The following CTNNAL1 variants were observed in gnomAD, a reference collection of about 807,000 sequenced individuals.
CTNNAL1 encodes the protein catenin alpha like 1, also known as alpha-catulin.
CTNNAL1 carries 69 observed loss-of-function variants against 93.6 expected under a neutral mutation model. The observed-to-expected ratio is 0.74, with a 90% CI of 0.61 to 0.90. The LOEUF (loss-of-function observed/expected upper bound fraction) is 0.90. Among genes scored for constraint, CTNNAL1 ranks in the 40% least tolerant of loss-of-function variants. The pLI is 0.00. For synonymous variants in CTNNAL1, 286 were observed against 305.4 expected, an observed-to-expected ratio of 0.94 and a Z score of 0.66; for missense variants, 836 against 862.0, an observed-to-expected ratio of 0.97 and a Z score of 0.38.
intron 1 of CTNNAL1, among the ~76,000 whole-genome samples, chr9:109,009,842 C>T (rs1018849841): frequency 6.6e-6 from 1 of 152,148 alleles, no homozygotes; most frequent in African/African-American, 2.4e-5. Flanking sequence ...TTATTTAGAT[C>T]CATGTTGGCT....
At chr9:108,949,071 T>A (rs1830483716) in intron 14 of CTNNAL1, among the ~76,000 whole-genome samples, 1 of 152,174 alleles carries the variant, frequency 6.6e-6, no homozygotes, top group Non-Finnish European at 1.5e-5. Context: ...TTAAGAAATA[T>A]GAATGATTAC....
intron 1 of CTNNAL1, among the ~76,000 whole-genome samples, chr9:109,002,649 C>T (rs1023535558): frequency 2.6e-5 from 4 of 152,018 alleles, no homozygotes; most frequent in Admixed American, 6.6e-5. Context: ...AAAAGAAACA[C>T]GGATAAATAA....
intron 2 of CTNNAL1, 150 bp from the exon 3 acceptor site, chr9:108,992,969 T>C (rs1220162330): frequency 5.8e-6 from 5 of 867,716 alleles, no homozygotes; most frequent in South Asian, 2.0e-5. Flanking sequence ...TTGACGATTG[T>C]AGGGATTATC....
chr9:108,983,273 T>G lies in CTNNAL1; in HGVS notation c.772A>C (p.Lys258Gln). Residue 258 changes from lysine (K) to glutamine (Q), a missense_variant, in exon 6 of 19, where the codon AAA becomes CAA. Physicochemically the swap from Lys to Gln is moderately conservative, Grantham distance 53. Transcript: ENST00000325551. ...TTCATACGGTCAAATACTCCTTCTTTGTTTTTATGGGCTGATTCGCAGTTA... is the reference window on the plus strand; with the variant it reads ...TTCATACGGTCAAATACTCCTTCTTGGTTTTTATGGGCTGATTCGCAGTTA... Reference protein sequence around the residue: ...HPNCESAHKNKEGVFDRMKVA... With the variant: ...HPNCESAHKNQEGVFDRMKVA... 1 of 1,578,682 alleles carries G rather than the reference T, an allele frequency of 6.3e-7. No individual in the cohort carries two copies. Among genetic ancestry groups the G allele is most frequent in the Admixed American group, 1.8e-5 (1 of 55,660 alleles).
At chr9:108,969,372 A>G (rs1831045348) in intron 10 of CTNNAL1, among the ~76,000 whole-genome samples, 1 of 152,194 alleles carries the variant, frequency 6.6e-6, no homozygotes, top group Admixed American at 6.5e-5. Flanking sequence ...AGGCTTTTGA[A>G]AATTATAAGG....
chr9:108,962,286 G>A (rs1210864117), intron 11 of CTNNAL1, among the ~76,000 whole-genome samples: 2 of 152,098 alleles, frequency 1.3e-5, no homozygotes, highest in East Asian at 3.8e-4. Flanking sequence ...TATTTTTATG[G>A]TTATAATAGT....
At chr9:108,958,726 C>T (rs1273028264) in intron 11 of CTNNAL1, among the ~76,000 whole-genome samples, 1 of 151,364 alleles carries the variant, frequency 6.6e-6, no homozygotes. Context: ...GATGTTATTT[C>T]CCACTTCTTT....
At chr9:108,972,864 G>GGGGGGGGGGGGGCCCCCCCCCCC in intron 8 of CTNNAL1, 31 bp from the exon 9 acceptor site, 5 of 142,498 alleles carry the variant, frequency 3.5e-5, no homozygotes, top group Non-Finnish European at 4.0e-5. Flanking sequence ...GGGGGGGTGG[G>GGGGGGGGGGGGGCCCCCCCCCCC]AGGGTGGAGA....
intron 1 of CTNNAL1, among the ~76,000 whole-genome samples, chr9:109,000,257 T>C (rs940994479): frequency 1.3e-5 from 2 of 152,244 alleles, no homozygotes; most frequent in African/African-American, 2.4e-5. Context: ...ATCTACTATA[T>C]GCCAGTTCCT....
At chr9:108,996,548 C>T (rs1443022086) in intron 2 of CTNNAL1, among the ~76,000 whole-genome samples, 3 of 152,100 alleles carry the variant, frequency 2.0e-5, no homozygotes, top group African/African-American at 7.2e-5. Flanking sequence ...GCTGCCTGGG[C>T]GTATGGTACT....
At chr9:109,013,131 C>T (rs1187346593) in intron 1 of CTNNAL1, among the ~76,000 whole-genome samples, 171 bp downstream of exon 1, 1 of 152,194 alleles carries the variant, frequency 6.6e-6, no homozygotes, top group Non-Finnish European at 1.5e-5. Context: ...TCTCTCGCCG[C>T]CCGGGCCGAG....
chr9:108,978,713 T>A (rs28361135), intron 7 of CTNNAL1, among the ~76,000 whole-genome samples: 3 of 152,180 alleles, frequency 2.0e-5, no homozygotes, highest in Non-Finnish European at 4.4e-5. Context: ...CATTTAAGGC[T>A]CACAGAGTGG....
At chr9:108,972,864 G>GGGGGGGGGCCCCCCCCCCC in intron 8 of CTNNAL1, 31 bp from the exon 9 acceptor site, 39 of 142,308 alleles carry the variant, frequency 2.7e-4, no homozygotes, top group Middle Eastern at 1.9e-3. Flanking sequence ...GGGGGGGTGG[G>GGGGGGGGGCCCCCCCCCCC]AGGGTGGAGA....
At chr9:108,984,458 G>A (rs766218673) in intron 4 of CTNNAL1, 22 bp from the exon 5 acceptor site, 27 of 1,428,294 alleles carry the variant, frequency 1.9e-5, no homozygotes, top group South Asian at 1.4e-4. Context: ...ATAAAATCAC[G>A]GAGGAGTCTA....
At chr9:108,990,577 T>C (rs1831760677) in intron 4 of CTNNAL1, 149 bp downstream of exon 4, 9 of 913,162 alleles carry the variant, frequency 9.9e-6, no homozygotes, top group Non-Finnish European at 1.3e-5. Context: ...ACTTACTTTA[T>C]CCTGGCTTAT....
chr9:108,979,786 C>A (rs1831374567), intron 6 of CTNNAL1, among the ~76,000 whole-genome samples: 1 of 152,180 alleles, frequency 6.6e-6, no homozygotes, highest in East Asian at 1.9e-4. Context: ...GAAAAATGAA[C>A]CAGCCTCCAG....
chr9:108,949,521 A>G (rs1224971045), intron 14 of CTNNAL1, among the ~76,000 whole-genome samples: 1 of 152,210 alleles, frequency 6.6e-6, no homozygotes. Flanking sequence ...CATCCTGGCT[A>G]ACACAGCGAA....
intron 3 of CTNNAL1, 145 bp downstream of exon 3, chr9:108,992,487 T>C (rs1831848100): frequency 9.7e-7 from 1 of 1,034,550 alleles, no homozygotes; most frequent in Non-Finnish European, 1.3e-6. Flanking sequence ...AGTGTGTCAA[T>C]GTATCCTGCA....
Position 108,999,245 on chromosome 9 carries a change from A to T in CTNNAL1, c.153T>A (p.Leu51=), listed in dbSNP as rs770115102. The T allele has an allele frequency of 1.3e-6, 2 of 1,583,990 alleles. No homozygotes were observed. Among genetic ancestry groups the T allele is most frequent in the East Asian group, 4.5e-5 (2 of 44,582 alleles). The change falls in exon 2 of 19, where the codon CTT becomes CTA. Residue 51 remains leucine (L), a synonymous_variant. Coordinates refer to ENST00000325551, the MANE Select transcript of CTNNAL1 (RefSeq NM_003798.4). The part of the protein sequence containing the change: ...LLPLVSQITT[L]INHKDNTKKS... ...TTTTGGTATTATCTTTATGATTAAT[A>T]AGCGTGGTGATCTAAAAATAAAAGA...
Sources: allele counts gnomAD v4.1 joint callset (sites outside exome capture counted in the v4.1 genomes callset), GRCh38; gene constraint gnomAD v4.1.1; transcripts MANE v1.5; gene names NCBI Gene and HGNC (gene_info 2026-07-23, HGNC 2026-07-21).